The following ZNF521 variants were observed in gnomAD, a reference collection of about 807,000 sequenced individuals.
The protein encoded by ZNF521 is LYST-interacting protein 3.
In ZNF521, 14 loss-of-function variants were observed where a neutral mutation model predicts 105.5. The observed-to-expected ratio is 0.13, with a 90% confidence interval of 0.09 to 0.21. The LOEUF (loss-of-function observed/expected upper bound fraction) is 0.21, where lower values mean the gene tolerates loss of function less well. ZNF521 is among the 10% of genes least tolerant of loss of function. The probability of loss-of-function intolerance (pLI) is 1.00; values close to 1 mark genes in which losing one functional copy is unlikely to be tolerated. For synonymous variants in ZNF521, 635 were observed against 606.0 expected (o/e 1.05, Z -0.70); for missense variants, 1,233 against 1,629.7 (o/e 0.76, Z 4.19).
chr18:25,258,962 T>C (rs1908712615), intron 3 of ZNF521, among the ~76,000 whole-genome samples: 2 of 152,154 alleles, frequency 1.3e-5, no homozygotes, highest in Admixed American at 6.5e-5. Context: ...ATGCTTGATA[T>C]GTGTCATGTC....
chr18:25,278,613 A>G (rs989687737), intron 3 of ZNF521, among the ~76,000 whole-genome samples: 2 of 152,248 alleles, frequency 1.3e-5, no homozygotes, highest in African/African-American at 4.8e-5. Flanking sequence ...TATGGCAAGA[A>G]TCCAAGGCCC....
At chr18:25,140,067 C>T (rs35098295) in intron 5 of ZNF521, among the ~76,000 whole-genome samples, 1 of 151,994 alleles carries the variant, frequency 6.6e-6, no homozygotes. Flanking sequence ...TGCTTATAAG[C>T]CCCTAGTTTA....
At chr18:25,176,799 A>C (rs1355095805) in intron 5 of ZNF521, among the ~76,000 whole-genome samples, 3 of 152,256 alleles carry the variant, frequency 2.0e-5, no homozygotes, top group African/African-American at 7.2e-5. Context: ...AATAAATGAC[A>C]AAGATGAAAC....
At chr18:25,075,762 C>A (rs1261879959) in intron 7 of ZNF521, among the ~76,000 whole-genome samples, 1 of 152,228 alleles carries the variant, frequency 6.6e-6, no homozygotes, top group South Asian at 2.1e-4. Flanking sequence ...AAACAGTCTA[C>A]TGAATCCACG....
chr18:25,245,873 G>T (rs1907676082), intron 3 of ZNF521, among the ~76,000 whole-genome samples: 3 of 152,144 alleles, frequency 2.0e-5, no homozygotes, highest in African/African-American at 4.8e-5. Flanking sequence ...TTAGCCAGAT[G>T]TGATGGTACA....
intron 7 of ZNF521, 132 bp from the exon 8 acceptor site, chr18:25,062,873 G>A: frequency 1.1e-6 from 1 of 897,320 alleles, no homozygotes; most frequent in South Asian, 1.7e-5. Flanking sequence ...GACTTGAACA[G>A]AACAATGAGT....
At chr18:25,282,230 A>G (rs975238836) in intron 3 of ZNF521, among the ~76,000 whole-genome samples, 1 of 152,098 alleles carries the variant, frequency 6.6e-6, no homozygotes, top group Non-Finnish European at 1.5e-5. Context: ...AACATCCCAA[A>G]ACTGTTTTGG....
chr18:25,338,267 G>GTGTGTGTGTGTA (rs1914005029), intron 2 of ZNF521, among the ~76,000 whole-genome samples: 1 of 148,580 alleles, frequency 6.7e-6, no homozygotes, highest in Non-Finnish European at 1.5e-5. Flanking sequence ...TTTTGTGTGT[G>GTGTGTGTGTGTA]TGTGTGTGTG....
chr18:25,067,033 A>G (rs1029128346), intron 7 of ZNF521, among the ~76,000 whole-genome samples: 1 of 152,206 alleles, frequency 6.6e-6, no homozygotes, highest in South Asian at 2.1e-4. Context: ...TGAAGACAGA[A>G]AAGGAAGTAG....
intron 3 of ZNF521, chr18:25,302,065 C>T (rs1355998274): frequency 6.6e-6 from 1 of 152,138 alleles, no homozygotes; most frequent in Non-Finnish European, 1.5e-5. Context: ...TAGAAAGGAA[C>T]TTGAAGGCTC....
intron 3 of ZNF521, among the ~76,000 whole-genome samples, chr18:25,239,069 T>C (rs1035508310): frequency 6.6e-6 from 1 of 152,144 alleles, no homozygotes; most frequent in African/African-American, 2.4e-5. Context: ...CTCGCCCTTA[T>C]TCAAAGACCA....
chr18:25,303,053 G>A (rs1257084747), intron 3 of ZNF521: 2 of 152,188 alleles, frequency 1.3e-5, no homozygotes, highest in Non-Finnish European at 2.9e-5. Context: ...GGGCCTGTTA[G>A]CCCTTCTACC....
intron 3 of ZNF521, among the ~76,000 whole-genome samples, chr18:25,276,346 G>A (rs936823172): frequency 6.6e-6 from 1 of 151,878 alleles, no homozygotes; most frequent in Non-Finnish European, 1.5e-5. Context: ...ATAGACTCCT[G>A]AGAGATATAC....
intron 5 of ZNF521, among the ~76,000 whole-genome samples, chr18:25,186,586 G>T (rs1005878745): frequency 6.6e-6 from 1 of 152,136 alleles, no homozygotes; most frequent in Non-Finnish European, 1.5e-5. Context: ...CTGATGAAAT[G>T]AAGGAACTCT....
chr18:25,321,893 G>T lies in ZNF521; in HGVS notation c.220+115C>A. 2.0e-6 allele frequency: 2 copies of T among 1,000,664 alleles called. 1 individual carries two copies. The highest frequency in any genetic ancestry group is 2.9e-6 in the Non-Finnish European group (2 of 689,060). 62.0% of individuals were successfully genotyped at this position (1,000,664 alleles called of 1,614,324 possible). A position where few individuals can be genotyped will look rare whatever the true frequency, so the allele number is the denominator to read the frequency against. ...TCAAAAGCACCTCTAGACTTAGCTA[G>T]GTATTCAAATGTAGGAATAAAATAA... On this transcript the variant is annotated intron_variant, in intron 3 of 7. Coordinates refer to ENST00000361524, the MANE Select transcript of ZNF521 (RefSeq NM_015461.3).
rs1293795334 is a variant in ZNF521, at chr18:25,351,046, C to T, written c.-1-99G>A. The T allele has an allele frequency of 5.1e-6, 5 of 981,766 alleles. No individual in the cohort carries two copies. The East Asian group carries it at 2.3e-4, about 45-fold the overall frequency. 60.8% of individuals were successfully genotyped at this position (981,766 alleles called of 1,614,324 possible). A position where few individuals can be genotyped will look rare whatever the true frequency, so the allele number is the denominator to read the frequency against. On this transcript the variant is annotated intron_variant, in intron 1 of 7. Transcript: ENST00000361524. ...TCGGGCCGCGGCGCCTCGCGCCCTCCGCTCGGCCTCCCTCGCGCCCTCGCT... is the reference window on the plus strand; with the variant it reads ...TCGGGCCGCGGCGCCTCGCGCCCTCTGCTCGGCCTCCCTCGCGCCCTCGCT...
chr18:25,229,550 TTAAC>T (rs548386418), intron 3 of ZNF521, among the ~76,000 whole-genome samples: 222 of 151,830 alleles, frequency 1.5e-3, no homozygotes, highest in Non-Finnish European at 2.4e-3. Flanking sequence ...AAAAAAAAAT[TTAAC>T]TAAAAGCAAA....
chr18:25,337,641 C>T (rs890886864), intron 2 of ZNF521, among the ~76,000 whole-genome samples: 35 of 152,168 alleles, frequency 2.3e-4, no homozygotes, highest in African/African-American at 7.7e-4. Context: ...CACAGGCACT[C>T]TCTAACCCTG....
At chr18:25,260,556 T>C (rs1908836698) in intron 3 of ZNF521, among the ~76,000 whole-genome samples, 1 of 152,214 alleles carries the variant, frequency 6.6e-6, no homozygotes, top group African/African-American at 2.4e-5. Context: ...TGGAAAAATA[T>C]GTATTATATC....
Sources: allele counts gnomAD v4.1 joint callset (sites outside exome capture counted in the v4.1 genomes callset), GRCh38; gene constraint gnomAD v4.1.1; transcripts MANE v1.5; gene names NCBI Gene and HGNC (gene_info 2026-07-23, HGNC 2026-07-21).